EPB41L5: variants seen among roughly 807,000 people sequenced by gnomAD.
EPB41L5 encodes the protein erythrocyte membrane protein band 4.1 like 5.
Under a neutral mutation model 106.6 loss-of-function variants are expected in EPB41L5, and 55 were observed. The observed-to-expected ratio is 0.52, with a 90% CI of 0.42 to 0.65. The LOEUF (loss-of-function observed/expected upper bound fraction) is 0.65, where lower values mean the gene tolerates loss of function less well. Ranked by LOEUF, EPB41L5 falls within the 30% of genes least tolerant of loss-of-function variation. The probability of loss-of-function intolerance (pLI) is 0.00; values close to 1 mark genes in which losing one functional copy is unlikely to be tolerated. For missense variants in EPB41L5, 871 were observed against 882.1 expected (o/e 0.99, Z 0.16); for synonymous variants, 297 against 306.7 (o/e 0.97, Z 0.33).
At chr2:120,165,264 C>A (rs1489077122) in intron 22 of EPB41L5, among the ~76,000 whole-genome samples, 2 of 152,112 alleles carry the variant, frequency 1.3e-5, no homozygotes, top group Non-Finnish European at 2.9e-5. Flanking sequence ...ACATATCAAT[C>A]ATTATTACAG....
chr2:120,138,219 A>G (rs1686012944), intron 18 of EPB41L5, among the ~76,000 whole-genome samples: 1 of 152,048 alleles, frequency 6.6e-6, no homozygotes, highest in Non-Finnish European at 1.5e-5. Flanking sequence ...ACCTCAGCAC[A>G]CTAAAAGCCA....
chr2:120,021,250 G>A (rs1026506481), intron 2 of EPB41L5, among the ~76,000 whole-genome samples: 2 of 152,122 alleles, frequency 1.3e-5, no homozygotes, highest in Non-Finnish European at 2.9e-5. Flanking sequence ...TGAGGCAGGA[G>A]AATCACTTGA....
chr2:120,120,090 G>A (rs1221508651), intron 16 of EPB41L5, among the ~76,000 whole-genome samples: 1 of 152,024 alleles, frequency 6.6e-6, no homozygotes, highest in Non-Finnish European at 1.5e-5. Context: ...TTGGATTTTT[G>A]AGGAAAAGAA....
At chr2:120,024,927 C>A (rs182934090) in intron 2 of EPB41L5, among the ~76,000 whole-genome samples, 2 of 152,236 alleles carry the variant, frequency 1.3e-5, no homozygotes, top group Admixed American at 1.3e-4. Context: ...TGAGGATTTT[C>A]GCATCGATGT....
chr2:120,060,089 A>G (rs1018764681), intron 3 of EPB41L5, among the ~76,000 whole-genome samples: 14 of 152,256 alleles, frequency 9.2e-5, no homozygotes, highest in Non-Finnish European at 8.8e-5. Context: ...CAAAACAGCT[A>G]AAGTACAACA....
At chr2:120,067,047 T>G (rs1159043684) in intron 3 of EPB41L5, among the ~76,000 whole-genome samples, 1 of 152,196 alleles carries the variant, frequency 6.6e-6, no homozygotes, top group Non-Finnish European at 1.5e-5. Flanking sequence ...TTCGGCCATC[T>G]TGCCAGCCTA....
At chr2:120,173,632 T>C (rs1687789543) in intron 24 of EPB41L5, among the ~76,000 whole-genome samples, 1 of 152,238 alleles carries the variant, frequency 6.6e-6, no homozygotes, top group Admixed American at 6.5e-5. Flanking sequence ...GTTACCACTT[T>C]CAACATTTTA....
intron 18 of EPB41L5, among the ~76,000 whole-genome samples, chr2:120,137,116 A>G (rs1596865): frequency 0.64 from 96,735 of 152,006 alleles, 32,138 homozygotes; most frequent in Middle Eastern, 0.75. Flanking sequence ...TATGCTTCCA[A>G]ATGACCAGTG....
chr2:120,135,037 A>T (rs1233367531), intron 18 of EPB41L5, among the ~76,000 whole-genome samples: 1 of 152,212 alleles, frequency 6.6e-6, no homozygotes, highest in East Asian at 1.9e-4. Context: ...GTTTTGAGGA[A>T]ACTCAGTGAA....
chr2:120,095,754 C>T (rs1470205373), intron 14 of EPB41L5, among the ~76,000 whole-genome samples: 3 of 151,160 alleles, frequency 2.0e-5, no homozygotes, highest in South Asian at 2.1e-4. Flanking sequence ...CTGCAACCTC[C>T]GCCTCCCAGG....
chr2:120,061,227 T>A (rs1393485747), intron 3 of EPB41L5, among the ~76,000 whole-genome samples: 381 of 134,570 alleles, frequency 2.8e-3, no homozygotes, highest in Non-Finnish European at 5.1e-3. Flanking sequence ...TTTTTTTTTT[T>A]ATTTTTTTTT....
intron 10 of EPB41L5, among the ~76,000 whole-genome samples, chr2:120,083,425 C>G (rs185159897): frequency 6.6e-6 from 1 of 151,966 alleles, no homozygotes; most frequent in Non-Finnish European, 1.5e-5. Context: ...TTGAGTGTTT[C>G]TTAATCCTGA....
chr2:120,159,259 C>CT (rs1244357003), intron 20 of EPB41L5, among the ~76,000 whole-genome samples: 10 of 133,494 alleles, frequency 7.5e-5, no homozygotes, highest in Admixed American at 2.3e-4. Flanking sequence ...CCCGTCTCTA[C>CT]TAAAAAAAAA....
At chr2:120,141,193 AAAAT>A (rs1217587219) in intron 18 of EPB41L5, among the ~76,000 whole-genome samples, 2 of 152,126 alleles carry the variant, frequency 1.3e-5, no homozygotes, top group Non-Finnish European at 2.9e-5. Context: ...TTTGTAAGAT[AAAAT>A]AAATACTGTG....
At chr2:120,072,404 A>G (rs1681932020) in intron 3 of EPB41L5, among the ~76,000 whole-genome samples, 2 of 152,188 alleles carry the variant, frequency 1.3e-5, no homozygotes, top group South Asian at 2.1e-4. Flanking sequence ...CAGAAATATC[A>G]TTTGACCCAG....
At chr2:120,076,470 CTTTTTTTTT>C (rs35333671) in intron 7 of EPB41L5, among the ~76,000 whole-genome samples, 1 of 58,898 alleles carries the variant, frequency 1.7e-5, no homozygotes, top group African/African-American at 7.7e-5. Flanking sequence ...AATTTTTGTA[CTTTTTTTTT>C]TTTTTTTTTT....
At chr2:120,039,588 G>C (rs1236377580) in intron 2 of EPB41L5, among the ~76,000 whole-genome samples, 1 of 152,048 alleles carries the variant, frequency 6.6e-6, no homozygotes, top group African/African-American at 2.4e-5. Context: ...CACTTTGGGA[G>C]GCCAAGTTGG....
chr2:120,139,621 C>T (rs1686083968), intron 18 of EPB41L5, among the ~76,000 whole-genome samples: 3 of 152,064 alleles, frequency 2.0e-5, no homozygotes, highest in African/African-American at 7.2e-5. Flanking sequence ...ATCAAAACTC[C>T]AGTGAGATAT....
chr2:120,065,299 T>A (rs973114534), intron 3 of EPB41L5, among the ~76,000 whole-genome samples: 1 of 151,870 alleles, frequency 6.6e-6, no homozygotes, highest in Non-Finnish European at 1.5e-5. Flanking sequence ...AAAAATTTTT[T>A]TTTTTGGAGA....
Sources: allele counts gnomAD v4.1 joint callset (sites outside exome capture counted in the v4.1 genomes callset), GRCh38; gene constraint gnomAD v4.1.1; transcripts MANE v1.5; gene names NCBI Gene and HGNC (gene_info 2026-07-23, HGNC 2026-07-21).